Variants in SYNJ2 observed in about 807,000 individuals in gnomAD.
SYNJ2 encodes the protein polyphosphatidylinositol phosphatase SYNJ2.
SYNJ2 carries 116 observed loss-of-function variants against 141.3 expected under a neutral mutation model. The observed-to-expected ratio is 0.82, with a 90% CI of 0.71 to 0.96. The LOEUF (loss-of-function observed/expected upper bound fraction) is 0.96. SYNJ2 is among the 40% of genes least tolerant of loss of function. The pLI is 0.00. For missense variants in SYNJ2, 1,873 were observed against 1,934.8 expected (o/e 0.97, Z 0.60); for synonymous variants, 745 against 777.7 (o/e 0.96, Z 0.70).
chr6:158,051,429 A>C (rs888842746), intron 5 of SYNJ2, among the ~76,000 whole-genome samples: 2 of 152,070 alleles, frequency 1.3e-5, no homozygotes, highest in African/African-American at 4.8e-5. Context: ...AAAGTTTTCA[A>C]ATTTTCTGAG....
chr6:158,078,341 C>T (rs1782455807), intron 18 of SYNJ2, 60 bp downstream of exon 18: 2 of 1,181,982 alleles, frequency 1.7e-6, no homozygotes, highest in Non-Finnish European at 2.5e-6. Flanking sequence ...GTCTCCCTCT[C>T]CGCAGGAAAA....
chr6:158,023,562 CT>C (rs1182710598), intron 2 of SYNJ2, among the ~76,000 whole-genome samples: 4 of 152,272 alleles, frequency 2.6e-5, no homozygotes, highest in Non-Finnish European at 5.9e-5. Context: ...TGTCCAGGTC[CT>C]TGGCTTTTTT....
At chr6:158,076,535 A>G (rs1156711524) in intron 16 of SYNJ2, 91 bp from the exon 17 acceptor site, 1 of 1,397,472 alleles carries the variant, frequency 7.2e-7, no homozygotes, top group Admixed American at 2.2e-5. Flanking sequence ...CTTTTTAAGA[A>G]TAGGGACTTG....
chr6:158,072,849 C>T (rs1583465204), intron 15 of SYNJ2, among the ~76,000 whole-genome samples: 1 of 151,956 alleles, frequency 6.6e-6, no homozygotes, highest in African/African-American at 2.4e-5. Flanking sequence ...GCGGGCAGAT[C>T]ACCTGAGGTC....
chr6:158,053,671 C>T (rs1780692849), intron 5 of SYNJ2, among the ~76,000 whole-genome samples: 1 of 151,118 alleles, frequency 6.6e-6, no homozygotes, highest in African/African-American at 2.4e-5. Flanking sequence ...CCACCCATCC[C>T]TCTATCCAGC....
At chr6:158,093,993 T>A in intron 26 of SYNJ2, 1 of 765,202 alleles carries the variant, frequency 1.3e-6, no homozygotes, top group Non-Finnish European at 2.4e-6. Flanking sequence ...TGTAGACACA[T>A]CTGGATCTTC....
At chr6:158,052,056 G>C (rs1780600737) in intron 5 of SYNJ2, among the ~76,000 whole-genome samples, 1 of 152,188 alleles carries the variant, frequency 6.6e-6, no homozygotes, top group Non-Finnish European at 1.5e-5. Context: ...CTCTAGATGG[G>C]TGCTTTTCTT....
intron 21 of SYNJ2, 130 bp from the exon 22 acceptor site, chr6:158,083,871 C>T (rs1478304478): frequency 3.6e-6 from 4 of 1,123,614 alleles, no homozygotes; most frequent in Non-Finnish European, 5.3e-6. Context: ...TCCCTGCTGG[C>T]GCCTGGGCCC....
chr6:158,069,144 C>T (rs912255090), intron 13 of SYNJ2, among the ~76,000 whole-genome samples: 1 of 152,100 alleles, frequency 6.6e-6, no homozygotes, highest in Non-Finnish European at 1.5e-5. Context: ...TCTTCCTGCA[C>T]ACCAGGGCAA....
chr6:158,094,389 C>G (rs1783667051), intron 26 of SYNJ2, among the ~76,000 whole-genome samples: 1 of 94,040 alleles, frequency 1.1e-5, no homozygotes, highest in Non-Finnish European at 1.9e-5. Context: ...TAGCCTACGG[C>G]TGGGCAAAAA....
At chr6:158,065,944 G>A (rs1781535405) in intron 11 of SYNJ2, among the ~76,000 whole-genome samples, 1 of 152,168 alleles carries the variant, frequency 6.6e-6, no homozygotes, top group Non-Finnish European at 1.5e-5. Context: ...CTTAAGTCTG[G>A]GGCAAAACAA....
chr6:158,016,409 T>C (rs1778458629), intron 1 of SYNJ2, among the ~76,000 whole-genome samples: 1 of 152,238 alleles, frequency 6.6e-6, no homozygotes, highest in Admixed American at 6.5e-5. Context: ...AGTAAGCCAC[T>C]GTGCCCGGCC....
intron 23 of SYNJ2, 38 bp downstream of exon 23, chr6:158,087,027 C>G (rs1204284482): frequency 6.4e-7 from 1 of 1,563,576 alleles, no homozygotes; most frequent in South Asian, 1.1e-5. Context: ...TGGATGCCTG[C>G]CAGGAATAAC....
At position 158,039,905 on chromosome 6, in the gene SYNJ2, G is replaced by A. The variant is rs80177816; in HGVS notation, c.712-3411G>A. On this transcript the variant is annotated intron_variant, in intron 4 of 26. Coordinates refer to ENST00000355585, the MANE Select transcript of SYNJ2 (RefSeq NM_003898.4). ...CCTGCAGAGGAAACAGGATCCACCAGCCAGGCCCGCTGACCATTTGGAAGT... is the reference window on the plus strand; with the variant it reads ...CCTGCAGAGGAAACAGGATCCACCAACCAGGCCCGCTGACCATTTGGAAGT... Among the ~76,000 whole-genome samples the A allele has an allele frequency of 1.1e-3, 160 of 152,334 alleles. 1 individual carries two copies. The East Asian group carries it at 0.024, about 23-fold the overall frequency.
At chr6:157,993,846 G>A (rs572238020) in intron 1 of SYNJ2, among the ~76,000 whole-genome samples, 125 of 104,966 alleles carry the variant, frequency 1.2e-3, no homozygotes, top group African/African-American at 4.0e-3. Context: ...ACGGAGTCTC[G>A]CTCTGTCTCC....
rs1327944416 is a variant in SYNJ2 at position 158,086,901 on chromosome 6, G to A, written c.3255G>A (p.Gly1085=). 1 of 1,610,208 alleles carries A rather than the reference G, an allele frequency of 6.2e-7. No homozygotes were observed. The highest frequency in any genetic ancestry group is 1.7e-5 in the Admixed American group (1 of 60,004). Residue 1085 remains glycine, a synonymous_variant, in exon 23 of 27, where the codon GGG becomes GGA. Transcript: ENST00000355585. ...VELKRELEAV[G]EFRHRSPSRS... ...TCAAGCGGGAGCTGGAAGCCGTCGG[G>A]GAGTTCCGCCACCGTTCTCCGAGCA...
chr6:158,088,556 G>C, intron 23 of SYNJ2, 104 bp from the exon 24 acceptor site: 1 of 806,646 alleles, frequency 1.2e-6, no homozygotes, highest in Non-Finnish European at 2.1e-6. Flanking sequence ...CACCGTGTCT[G>C]TGGTCTGCTG....
At chr6:157,983,810 A>C (rs1490935857) in intron 1 of SYNJ2, among the ~76,000 whole-genome samples, 3 of 152,032 alleles carry the variant, frequency 2.0e-5, no homozygotes, top group Admixed American at 1.3e-4. Flanking sequence ...TTCATTTTTC[A>C]GTAGAAAACT....
chr6:158,083,123 G>A lies in SYNJ2; in HGVS notation c.2866-306G>A, dbSNP rs571822240. Among the ~76,000 whole-genome samples, 15 of 152,190 alleles carry A rather than the reference G, an allele frequency of 9.9e-5. No individual in the cohort carries two copies. The South Asian group carries it at 3.1e-3, about 32-fold the overall frequency. On this transcript the variant is annotated intron_variant, in intron 20 of 26. Coordinates refer to ENST00000355585, the MANE Select transcript of SYNJ2 (RefSeq NM_003898.4). ...AATTTTTGTATTTTTAGTACAGATC[G>A]GGTTTCACCGTGTTGGTCAGGCTGG...
Sources: allele counts gnomAD v4.1 joint callset (sites outside exome capture counted in the v4.1 genomes callset), GRCh38; gene constraint gnomAD v4.1.1; transcripts MANE v1.5; gene names NCBI Gene and HGNC (gene_info 2026-07-23, HGNC 2026-07-21).